Variants in THRB observed in about 807,000 individuals in gnomAD.
The protein encoded by THRB is nuclear receptor subfamily 1 group A member 2.
In THRB, 12 loss-of-function variants were observed where a neutral mutation model predicts 47.8. That is an observed-to-expected ratio of 0.25 (90% CI 0.16 to 0.41). THRB has a LOEUF of 0.41. Among genes scored for constraint, THRB ranks in the 10% least tolerant of loss-of-function variants. The pLI, the probability that THRB is intolerant of heterozygous loss-of-function variation, is 1.00. For synonymous variants in THRB, 218 were observed against 212.2 expected (o/e 1.03, Z -0.24); for missense variants, 348 against 589.2 (o/e 0.59, Z 4.24).
intron 4 of THRB, among the ~76,000 whole-genome samples, chr3:24,197,563 T>C (rs1203168131): frequency 6.6e-6 from 1 of 152,200 alleles, no homozygotes. Context: ...ATCCATCTCT[T>C]AATCTCCACA....
At chr3:24,187,702 G>T (rs954930973) in intron 5 of THRB, among the ~76,000 whole-genome samples, 2 of 152,168 alleles carry the variant, frequency 1.3e-5, no homozygotes, top group Non-Finnish European at 2.9e-5. Flanking sequence ...TGCCCAACAT[G>T]GATGAACATC....
intron 1 of THRB, among the ~76,000 whole-genome samples, chr3:24,464,990 T>G (rs1221629128): frequency 6.6e-6 from 1 of 152,206 alleles, no homozygotes; most frequent in Non-Finnish European, 1.5e-5. Flanking sequence ...AAACAGTACT[T>G]ATTTAGATTT....
chr3:24,183,869 G>T lies in THRB; in HGVS notation c.283+6205C>A, dbSNP rs75828381. 3.7e-3 allele frequency among the ~76,000 whole-genome samples: 568 copies of T among 152,082 alleles called. 2 individuals carry two copies. Among genetic ancestry groups the T allele is most frequent in the Non-Finnish European group, 5.6e-3 (383 of 67,988 alleles). The stretch of plus-strand genomic sequence containing the variant: ...ACTGAAGCCTAACTGTAAAGCATAT[G>T]ATAATAACATTAAACAAATTTATGC... On this transcript the variant is annotated intron_variant, in intron 5 of 10. Transcript: ENST00000646209.
intron 3 of THRB, among the ~76,000 whole-genome samples, chr3:24,280,337 C>T (rs1228792135): frequency 6.6e-6 from 1 of 152,196 alleles, no homozygotes; most frequent in Admixed American, 6.5e-5. Context: ...ACTGACACCT[C>T]ACATGGCCAG....
intron 3 of THRB, among the ~76,000 whole-genome samples, chr3:24,279,311 A>G (rs1311533492): frequency 1.3e-5 from 2 of 152,196 alleles, no homozygotes; most frequent in African/African-American, 4.8e-5. Context: ...CATGAGAGAG[A>G]AGTGAATCAG....
At chr3:24,136,359 A>G (rs185220653) in intron 8 of THRB, among the ~76,000 whole-genome samples, 1 of 152,328 alleles carries the variant, frequency 6.6e-6, no homozygotes, top group East Asian at 1.9e-4. Flanking sequence ...GATCTTAGAT[A>G]CCAGAACAAC....
intron 1 of THRB, among the ~76,000 whole-genome samples, chr3:24,444,721 G>C (rs1401015179): frequency 7.2e-5 from 11 of 152,142 alleles, no homozygotes; most frequent in Non-Finnish European, 5.9e-5. Flanking sequence ...TCAAGTAGCT[G>C]GATACAGGCG....
chr3:24,424,666 T>C (rs541647038), intron 1 of THRB, among the ~76,000 whole-genome samples: 25 of 152,100 alleles, frequency 1.6e-4, no homozygotes, highest in African/African-American at 5.5e-4. Context: ...TTTCACAGCC[T>C]AGAATTCTTC....
At chr3:24,137,096 G>T (rs2034781414) in intron 8 of THRB, among the ~76,000 whole-genome samples, 1 of 152,160 alleles carries the variant, frequency 6.6e-6, no homozygotes, top group Admixed American at 6.5e-5. Context: ...TGGTATTTAG[G>T]CATTTATTAC....
chr3:24,493,402 C>A (rs2125988827), intron 1 of THRB, among the ~76,000 whole-genome samples: 1 of 152,328 alleles, frequency 6.6e-6, no homozygotes, highest in Non-Finnish European at 1.5e-5. Flanking sequence ...GATTGCCCAA[C>A]AGGTCTACAT....
At chr3:24,187,173 C>A (rs141223710) in intron 5 of THRB, among the ~76,000 whole-genome samples, 139 of 152,272 alleles carry the variant, frequency 9.1e-4, no homozygotes, top group African/African-American at 3.2e-3. Flanking sequence ...TGACAATCCC[C>A]AACTAACTGT....
At chr3:24,464,171 G>A (rs893360733) in intron 1 of THRB, among the ~76,000 whole-genome samples, 4 of 151,822 alleles carry the variant, frequency 2.6e-5, no homozygotes, top group East Asian at 1.9e-4. Flanking sequence ...GCGTGAACCC[G>A]GGAGGCGGAG....
At chr3:24,310,511 A>G (rs1328813434) in intron 2 of THRB, among the ~76,000 whole-genome samples, 1 of 152,202 alleles carries the variant, frequency 6.6e-6, no homozygotes, top group Non-Finnish European at 1.5e-5. Flanking sequence ...TTCCTTAAAC[A>G]TAGATTGCTG....
chr3:24,322,287 T>C (rs1369321177), intron 2 of THRB, among the ~76,000 whole-genome samples: 1 of 152,210 alleles, frequency 6.6e-6, no homozygotes, highest in African/African-American at 2.4e-5. Context: ...CTTAAACTGT[T>C]CTATTCTTTC....
intron 1 of THRB, among the ~76,000 whole-genome samples, chr3:24,352,708 T>A (rs2063429598): frequency 1.3e-5 from 2 of 152,066 alleles, no homozygotes; most frequent in African/African-American, 4.8e-5. Context: ...TGAAAAACTA[T>A]ACACACAAAA....
chr3:24,377,286 A>T (rs2065362210), intron 1 of THRB, among the ~76,000 whole-genome samples: 1 of 152,236 alleles, frequency 6.6e-6, no homozygotes, highest in Non-Finnish European at 1.5e-5. Flanking sequence ...TGGTTCAGCC[A>T]GGGCCCATTC....
At chr3:24,371,568 T>C (rs2064913690) in intron 1 of THRB, among the ~76,000 whole-genome samples, 1 of 152,108 alleles carries the variant, frequency 6.6e-6, no homozygotes. Flanking sequence ...ATGGTTACCG[T>C]TCCACCCACA....
chr3:24,256,177 G>C (rs536800393), intron 3 of THRB, among the ~76,000 whole-genome samples: 2 of 152,204 alleles, frequency 1.3e-5, no homozygotes, highest in African/African-American at 4.8e-5. Flanking sequence ...AGAGTAATCA[G>C]TGGTACTGAA....
intron 1 of THRB, among the ~76,000 whole-genome samples, chr3:24,378,866 T>C (rs1014717860): frequency 6.6e-6 from 1 of 152,166 alleles, no homozygotes; most frequent in Non-Finnish European, 1.5e-5. Flanking sequence ...TAGAAATATA[T>C]ATAAGCATAA....
Sources: gnomAD v4.1 joint callset for allele counts (sites outside exome capture counted in the v4.1 genomes callset) on GRCh38, gnomAD v4.1.1 for gene constraint, MANE v1.5 for transcripts, NCBI Gene and HGNC (gene_info 2026-07-23, HGNC 2026-07-21) for gene names.